MED15: variants seen among roughly 807,000 people sequenced by gnomAD.
The protein encoded by MED15 is mediator complex subunit 15, also known as mediator of RNA polymerase II transcription subunit 15.
Under a neutral mutation model 118.7 loss-of-function variants are expected in MED15, and 41 were observed. That is an observed-to-expected ratio of 0.35 (90% confidence interval 0.27 to 0.45). MED15 has a LOEUF of 0.45. Among genes scored for constraint, MED15 ranks in the 20% least tolerant of loss-of-function variants. MED15 has a pLI of 1.00. For missense variants in MED15, 740 were observed against 1,025.5 expected, an observed-to-expected ratio of 0.72 and a Z score of 3.80; for synonymous variants, 436 against 413.9, an observed-to-expected ratio of 1.05 and a Z score of -0.65.
At position 20,518,752 on chromosome 22, in the gene MED15, A is replaced by G. The variant is rs1369254465; in HGVS notation, c.68+11006A>G. ...GTGCTGGCTTTAATTAAAGCCTGCC[A>G]TGGTTTTGTCCATCAGTGCTGCCTA... On this transcript the variant is annotated intron_variant, in intron 1 of 17. Coordinates refer to ENST00000263205, the MANE Select transcript of MED15 (RefSeq NM_001003891.3). 1.6e-5 allele frequency: 6 copies of G among 376,872 alleles called. 1 individual carries two copies. Among genetic ancestry groups the G allele is most frequent in the South Asian group, 5.9e-5 (3 of 51,016 alleles). 23.3% of individuals were successfully genotyped at this position (376,872 alleles called of 1,614,324 possible).
At chr22:20,559,471 G>A (rs906311746) in intron 5 of MED15, among the ~76,000 whole-genome samples, 5 of 152,154 alleles carry the variant, frequency 3.3e-5, no homozygotes, top group South Asian at 2.1e-4. Flanking sequence ...CAAAGCCCCG[G>A]AAGGATCAAA....
intron 1 of MED15, among the ~76,000 whole-genome samples, chr22:20,532,564 G>A (rs2054901375): frequency 6.6e-6 from 1 of 152,212 alleles, no homozygotes; most frequent in Admixed American, 6.5e-5. Flanking sequence ...GCCAAAGGCA[G>A]AGCATTGGAG....
chr22:20,537,894 A>G (rs996055871), intron 2 of MED15, among the ~76,000 whole-genome samples: 1 of 152,208 alleles, frequency 6.6e-6, no homozygotes, highest in Non-Finnish European at 1.5e-5. Context: ...GCTCTGTACT[A>G]TGGACACGTG....
At position 20,587,512 on chromosome 22, in the gene MED15, C is replaced by G; in HGVS notation, c.*808C>G. On this transcript the variant is annotated 3_prime_UTR_variant, in exon 18 of 18. Coordinates refer to ENST00000263205, the MANE Select transcript of MED15 (RefSeq NM_001003891.3). ...ATGCAGGGAGCGCCTCCCTATGTTGCCTGCCACTCTGGGCACCGGCCAGCA... is the reference window on the plus strand; with the variant it reads ...ATGCAGGGAGCGCCTCCCTATGTTGGCTGCCACTCTGGGCACCGGCCAGCA... 1 of 269,488 alleles carries G rather than the reference C, an allele frequency of 3.7e-6. No individual in the cohort carries two copies. Among genetic ancestry groups the G allele is most frequent in the Non-Finnish European group, 7.1e-6 (1 of 141,430 alleles). 16.7% of individuals were successfully genotyped at this position (269,488 alleles called of 1,614,324 possible). A position where few individuals can be genotyped will look rare whatever the true frequency, so the allele number is the denominator to read the frequency against.
At chr22:20,548,223 G>A (rs899513936) in intron 2 of MED15, among the ~76,000 whole-genome samples, 1 of 152,002 alleles carries the variant, frequency 6.6e-6, no homozygotes, top group Non-Finnish European at 1.5e-5. Context: ...GTGCAGTGGC[G>A]TGATCGCGGC....
intron 16 of MED15, 62 bp from the exon 17 acceptor site, chr22:20,585,666 G>T: frequency 6.7e-7 from 1 of 1,483,514 alleles, no homozygotes. Context: ...TCCAGAGCAG[G>T]GCTGTGAGGC....
chr22:20,566,885 C>T, intron 7 of MED15, 68 bp downstream of exon 7: 2 of 1,577,304 alleles, frequency 1.3e-6, no homozygotes, highest in Non-Finnish European at 1.7e-6. Flanking sequence ...TTTCTAGGCT[C>T]TTTGGCTAGA....
At position 20,507,723 on chromosome 22, in the gene MED15, C is replaced by G; in HGVS notation, c.45C>G (p.Phe15Leu). 1 of 1,614,054 alleles carries G rather than the reference C, an allele frequency of 6.2e-7. No individual in the cohort carries two copies. The highest frequency in any genetic ancestry group is 8.5e-7 in the Non-Finnish European group (1 of 1,179,938). The change falls in exon 1 of 18, where the codon TTC (phenylalanine) becomes TTG (leucine). Residue 15 changes from phenylalanine (F) to leucine (L), a missense_variant. By Grantham distance (22) the Phe-to-Leu change is conservative. Around this residue, in one of 7 missense-constraint regions of MED15, gnomAD observed 23 missense variants for 20.2 expected, o/e 1.14. Transcript: ENST00000263205. ...AGACCGACTGGCGGAGCACCGCCTT[C>G]CGGCAGAAGCTGGTCAGTCAAATGT... ...GQETDWRSTA[F>L]RQKLVSQIED...
chr22:20,543,677 C>T (rs2055411133), intron 2 of MED15, among the ~76,000 whole-genome samples: 1 of 151,876 alleles, frequency 6.6e-6, no homozygotes, highest in African/African-American at 2.4e-5. Flanking sequence ...CCTGCCTCAG[C>T]CTCCCAAGTA....
chr22:20,584,728 A>G, intron 14 of MED15, 127 bp from the exon 15 acceptor site: 1 of 1,195,128 alleles, frequency 8.4e-7, no homozygotes, highest in Non-Finnish European at 1.2e-6. Flanking sequence ...TGTCTGCACA[A>G]GGGTGGAGGC....
In MED15 at chr22:20,574,975, C is replaced by T. The variant is rs1382664311; in HGVS notation, c.1153-138C>T. Reference sequence around the variant, plus strand: ...TTGAACATGTGGGTGGCCTCCCCTCCCAGGCTGCCCCGAGCTGCCCAAGCT... The same window carrying T: ...TTGAACATGTGGGTGGCCTCCCCTCTCAGGCTGCCCCGAGCTGCCCAAGCT... On this transcript the variant is annotated intron_variant, in intron 8 of 17. Transcript: ENST00000263205. 4.5e-5 allele frequency: 59 copies of T among 1,314,446 alleles called. No homozygotes were observed. In the South Asian group the frequency reaches 6.3e-4, roughly 14 times the overall value. 81.4% of individuals were successfully genotyped at this position (1,314,446 alleles called of 1,614,324 possible).
chr22:20,559,452 G>T (rs758249092), intron 5 of MED15, among the ~76,000 whole-genome samples: 29 of 152,098 alleles, frequency 1.9e-4, no homozygotes, highest in Non-Finnish European at 3.4e-4. Context: ...ATTCTAATTG[G>T]CATCCAAGCA....
At chr22:20,562,699 G>T (rs542996153) in intron 5 of MED15, among the ~76,000 whole-genome samples, 5 of 152,156 alleles carry the variant, frequency 3.3e-5, no homozygotes, top group African/African-American at 1.2e-4. Flanking sequence ...CATGTTTTAT[G>T]AATGTCAAAT....
rs184961366 is a variant in MED15 at position 20,551,288 on chromosome 22, G to A, written c.157-148G>A. The A allele has an allele frequency of 6.2e-4, 491 of 796,546 alleles. 5 individuals carry two copies. In the East Asian group the frequency reaches 9.4e-3, roughly 15 times the overall value. 49.3% of individuals were successfully genotyped at this position (796,546 alleles called of 1,614,324 possible). ...CACTGACGGCTCTCTTCCGAGAGGC[G>A]GATTCCAGAGGAGGCCGAGCAAGCG... is the stretch of plus-strand genomic sequence containing the variant. On this transcript the variant is annotated intron_variant, in intron 2 of 17. Transcript: ENST00000263205.
At chr22:20,537,058 G>C in intron 1 of MED15, 59 bp from the exon 2 acceptor site, 1 of 1,517,208 alleles carries the variant, frequency 6.6e-7, no homozygotes, top group Non-Finnish European at 9.1e-7. Flanking sequence ...GTTGGCCAGG[G>C]CCCTGCAGCG....
chr22:20,546,984 A>C (rs2146495771), intron 2 of MED15, among the ~76,000 whole-genome samples: 1 of 152,368 alleles, frequency 6.6e-6, no homozygotes, highest in East Asian at 1.9e-4. Flanking sequence ...CAGCAACAAC[A>C]AAAACCCATA....
chr22:20,564,329 A>T lies in MED15; in HGVS notation c.452-121A>T. 4 of 1,511,314 alleles carry T rather than the reference A, an allele frequency of 2.6e-6. No homozygotes were observed. In the South Asian group the frequency reaches 5.2e-5, roughly 20 times the overall value. 93.6% of individuals were successfully genotyped at this position (1,511,314 alleles called of 1,614,324 possible). A position where few individuals can be genotyped will look rare whatever the true frequency, so the allele number is the denominator to read the frequency against. Reference sequence around the variant, plus strand: ...TGTCTGTGGTAAATGGAACGTTCAGATTCCAGCGGCAGCCGTGGCAGTGGG... The same window carrying T: ...TGTCTGTGGTAAATGGAACGTTCAGTTTCCAGCGGCAGCCGTGGCAGTGGG... On this transcript the variant is annotated intron_variant, in intron 5 of 17. Transcript: ENST00000263205.
intron 2 of MED15, chr22:20,550,970 G>A (rs944961738): frequency 1.1e-5 from 4 of 360,910 alleles, no homozygotes; most frequent in African/African-American, 2.1e-5. Context: ...CAGATACTGC[G>A]TCATCAGTGA....
At chr22:20,510,927 G>A (rs1393382466) in intron 1 of MED15, among the ~76,000 whole-genome samples, 1 of 152,100 alleles carries the variant, frequency 6.6e-6, no homozygotes, top group Non-Finnish European at 1.5e-5. Flanking sequence ...ACCACAGCCG[G>A]GAAGAGCAGT....
Sources: allele counts gnomAD v4.1 joint callset (sites outside exome capture counted in the v4.1 genomes callset), GRCh38; gene constraint gnomAD v4.1.1; regional missense constraint gnomAD v4.1.1; transcripts MANE v1.5; gene names NCBI Gene and HGNC (gene_info 2026-07-23, HGNC 2026-07-21).